The following RAPGEF5 variants were observed in gnomAD, a reference collection of about 807,000 sequenced individuals.
RAPGEF5 encodes the protein Rap guanine nucleotide exchange factor 5.
A neutral mutation model predicts 125.2 loss-of-function variants in RAPGEF5; 65 were observed. That is an observed-to-expected ratio of 0.52 (90% CI 0.43 to 0.64). RAPGEF5 has a LOEUF of 0.64. Among genes scored for constraint, RAPGEF5 ranks in the 30% least tolerant of loss-of-function variants. The pLI is 0.00. For synonymous variants in RAPGEF5, 391 were observed against 385.9 expected (o/e 1.01, Z -0.16); for missense variants, 958 against 1,048.1 (o/e 0.91, Z 1.19).
chr7:22,228,510 C>T (rs141008454), intron 8 of RAPGEF5, among the ~76,000 whole-genome samples: 84 of 151,704 alleles, frequency 5.5e-4, no homozygotes, highest in Admixed American at 1.8e-3. Flanking sequence ...TTTTGTTTTG[C>T]TTTGTTTTCT....
intron 23 of RAPGEF5, among the ~76,000 whole-genome samples, chr7:22,132,495 GA>G (rs1411900795): frequency 6.6e-6 from 1 of 152,036 alleles, no homozygotes; most frequent in Non-Finnish European, 1.5e-5. Context: ...TTTGCTTGCA[GA>G]AAATAATTAC....
At chr7:22,196,331 T>G (rs1278893598) in intron 9 of RAPGEF5, among the ~76,000 whole-genome samples, 1 of 152,236 alleles carries the variant, frequency 6.6e-6, no homozygotes, top group East Asian at 1.9e-4. Flanking sequence ...GTTGAGGTTC[T>G]GGGTATGAAA....
rs142373286 is a variant in RAPGEF5, at chr7:22,163,599, G to A, written c.1284-1058C>T. 6.6e-5 allele frequency among the ~76,000 whole-genome samples: 10 copies of A among 152,236 alleles called. No homozygotes were observed. The East Asian group carries it at 1.9e-3, about 29-fold the overall frequency. On this transcript the variant is annotated intron_variant, in intron 12 of 25. Coordinates refer to ENST00000665637, the MANE Select transcript of RAPGEF5 (RefSeq NM_012294.5). ...TATTAGCATTTCCTAATTTATACAC[G>A]ATGACCATATGTAAATTATGCTGTT...
Position 22,269,582 on chromosome 7 carries a change from C to T in RAPGEF5, c.748-2570G>A, listed in dbSNP as rs1782369545. Among the ~76,000 whole-genome samples the T allele has an allele frequency of 2.0e-5, 3 of 152,146 alleles. No homozygotes were observed. In the South Asian group the frequency reaches 6.2e-4, roughly 32 times the overall value. On this transcript the variant is annotated intron_variant, in intron 6 of 25. Coordinates refer to ENST00000665637, the MANE Select transcript of RAPGEF5 (RefSeq NM_012294.5). ...ACAATGAAAATTCAGAGAAGGCATT[C>T]CCATCATAAGTTACTCCCAGCAGAA... is the stretch of plus-strand genomic sequence containing the variant.
At chr7:22,350,731 C>T (rs1225500967) in intron 1 of RAPGEF5, among the ~76,000 whole-genome samples, 2 of 152,126 alleles carry the variant, frequency 1.3e-5, no homozygotes, top group African/African-American at 4.8e-5. Flanking sequence ...TATTAACTTG[C>T]CATTGAGTTC....
At position 22,119,255 on chromosome 7, in the gene RAPGEF5, C is replaced by T. The variant is rs919126075; in HGVS notation, c.*3151G>A. 3 of 152,166 alleles carry T rather than the reference C, an allele frequency of 2.0e-5. No homozygotes were observed. The highest frequency in any genetic ancestry group is 4.4e-5 in the Non-Finnish European group (3 of 68,046). The allele number at this position is 152,166 out of a possible 1,614,324, so 9.4% of individuals were successfully genotyped here. A position where few individuals can be genotyped will look rare whatever the true frequency, so the allele number is the denominator to read the frequency against. On this transcript the variant is annotated 3_prime_UTR_variant, in exon 26 of 26. Transcript: ENST00000665637. This position sits in a 1 kb window ranked among gnomAD's most constrained non-coding sequence, Gnocchi z 4.1. ...AGGCAAGTATATATTCATGCAGCAT[C>T]CTCTCCCTGTGGACTAGGCAGTGTG...
At chr7:22,160,350 G>C (rs1783947869) in intron 14 of RAPGEF5, among the ~76,000 whole-genome samples, 168 bp downstream of exon 14, 1 of 152,068 alleles carries the variant, frequency 6.6e-6, no homozygotes, top group Non-Finnish European at 1.5e-5. Flanking sequence ...CTTTCATTTT[G>C]AGTTATAAGA....
At chr7:22,172,122 A>G (rs1784368272) in intron 11 of RAPGEF5, among the ~76,000 whole-genome samples, 1 of 151,848 alleles carries the variant, frequency 6.6e-6, no homozygotes, top group Admixed American at 6.6e-5. Flanking sequence ...TACTATTTTA[A>G]TTTTTGGGGG....
In RAPGEF5 at chr7:22,121,121, A is replaced by G. The variant is rs1479133365; in HGVS notation, c.*1285T>C. ...CTGTTTTGTTCATGTGAAGGTTGAA[A>G]GAAATCCTCTAACCAGTCCTTGAAA... On this transcript the variant is annotated 3_prime_UTR_variant, in exon 26 of 26. Coordinates refer to ENST00000665637, the MANE Select transcript of RAPGEF5 (RefSeq NM_012294.5). 1 of 152,098 alleles carries G rather than the reference A, an allele frequency of 6.6e-6. No individual in the cohort carries two copies. Among genetic ancestry groups the G allele is most frequent in the African/African-American group, 2.4e-5 (1 of 41,420 alleles). 9.4% of individuals were successfully genotyped at this position (152,098 alleles called of 1,614,324 possible).
chr7:22,237,360 C>T (rs1349273326), intron 7 of RAPGEF5, among the ~76,000 whole-genome samples: 2 of 143,100 alleles, frequency 1.4e-5, no homozygotes, highest in East Asian at 4.0e-4. Flanking sequence ...GTTGTTGTTG[C>T]TGTTTTTTTT....
At chr7:22,232,211 T>G (rs1786074958) in intron 7 of RAPGEF5, among the ~76,000 whole-genome samples, 1 of 152,220 alleles carries the variant, frequency 6.6e-6, no homozygotes, top group South Asian at 2.1e-4. Flanking sequence ...ATGCCATTTA[T>G]GCTTTTTGCC....
intron 1 of RAPGEF5, among the ~76,000 whole-genome samples, chr7:22,318,845 T>C (rs988188489): frequency 5.3e-5 from 8 of 152,188 alleles, no homozygotes; most frequent in Admixed American, 2.6e-4. Flanking sequence ...AGCACCTGGG[T>C]GCTCAGCATT....
At chr7:22,125,464 C>CTA (rs924299532) in intron 25 of RAPGEF5, 140 bp downstream of exon 25, 168 of 732,586 alleles carry the variant, frequency 2.3e-4, no homozygotes, top group South Asian at 1.2e-3. Flanking sequence ...AGACAATCTA[C>CTA]TATATATATA....
intron 11 of RAPGEF5, among the ~76,000 whole-genome samples, chr7:22,168,571 T>G (rs1285690260): frequency 6.6e-6 from 1 of 152,242 alleles, no homozygotes; most frequent in Non-Finnish European, 1.5e-5. Context: ...TATAGAGCCC[T>G]ATAGCTCTAC....
chr7:22,223,746 T>C (rs570319007), intron 8 of RAPGEF5, among the ~76,000 whole-genome samples: 1 of 152,206 alleles, frequency 6.6e-6, no homozygotes, highest in African/African-American at 2.4e-5. Flanking sequence ...TACGTTGGCA[T>C]ATTTGGTGGT....
intron 5 of RAPGEF5, among the ~76,000 whole-genome samples, chr7:22,301,929 T>G (rs946054481): frequency 2.0e-5 from 3 of 152,162 alleles, no homozygotes; most frequent in Non-Finnish European, 4.4e-5. Flanking sequence ...CTTGCCAGCT[T>G]GTTATCTGTA....
At chr7:22,204,002 A>C (rs190429524) in intron 9 of RAPGEF5, among the ~76,000 whole-genome samples, 33 of 152,330 alleles carry the variant, frequency 2.2e-4, no homozygotes, top group African/African-American at 7.5e-4. Flanking sequence ...GTAGGACAGA[A>C]ACCTACACTA....
At chr7:22,317,630 T>C (rs1027435165) in intron 2 of RAPGEF5, among the ~76,000 whole-genome samples, 1 of 152,238 alleles carries the variant, frequency 6.6e-6, no homozygotes, top group Non-Finnish European at 1.5e-5. Context: ...AAACTCAGTG[T>C]AAAATATATG....
At chr7:22,353,879 C>T (rs117147897) in intron 1 of RAPGEF5, among the ~76,000 whole-genome samples, 223 of 151,668 alleles carry the variant, frequency 1.5e-3, no homozygotes, top group Middle Eastern at 6.8e-3. Flanking sequence ...TAGCCTACAA[C>T]GTAGTGAGAC....
Sources: gnomAD v4.1 joint callset for allele counts (sites outside exome capture counted in the v4.1 genomes callset) on GRCh38, gnomAD v4.1.1 for gene constraint, Gnocchi (gnomAD v3.1) non-coding constraint, MANE v1.5 for transcripts, NCBI Gene and HGNC (gene_info 2026-07-23, HGNC 2026-07-21) for gene names.